FLNA: variants seen among roughly 807,000 people sequenced by gnomAD.
FLNA encodes the protein filamin A, also known as filamin-A.
In FLNA, 7 loss-of-function variants were observed where a neutral mutation model predicts 157.6. That is an observed-to-expected ratio of 0.04 (90% CI 0.03 to 0.08). FLNA has a LOEUF of 0.08. Ranked by LOEUF, FLNA falls within the 10% of genes least tolerant of loss-of-function variation. The probability of loss-of-function intolerance (pLI) is 1.00; values close to 1 mark genes in which losing one functional copy is unlikely to be tolerated. For missense variants in FLNA, 1,750 were observed against 2,398.4 expected (o/e 0.73, Z 5.65); for synonymous variants, 1,103 against 1,060.8 (o/e 1.04, Z -0.77).
chrX:154,358,708 AC>A (rs1440610213), intron 26 of FLNA, 140 bp from the exon 27 acceptor site: 10 of 820,452 alleles, frequency 1.2e-5, no homozygotes, highest in Non-Finnish European at 1.8e-5. Flanking sequence ...AATGGCCTTG[AC>A]CCCCTCTGGC....
chrX:154,352,071 C>T (rs1182406707), intron 41 of FLNA, 50 bp from the exon 42 acceptor site: 4 of 1,209,471 alleles, frequency 3.3e-6, no homozygotes, highest in Non-Finnish European at 4.5e-6. Context: ...CCAGCCTCGG[C>T]CCCCTCCAGG....
chrX:154,362,024 G>C lies in FLNA; in HGVS notation c.2781C>G (p.Asp927Glu). Reference sequence around the variant, plus strand: ...TGACTGTGTAGGTGTTGTCATGGTGGTCGATGATGTCCACATCTCGCACTG... The same window carrying C: ...TGACTGTGTAGGTGTTGTCATGGTGCTCGATGATGTCCACATCTCGCACTG... ...GDAVRDVDIIDHHDNTYTVKY... is the reference protein window; with the variant it reads ...GDAVRDVDIIEHHDNTYTVKY... The change falls in exon 19 of 48, where the codon GAC becomes GAG. Residue 927 changes from aspartate to glutamate, a missense_variant. Physicochemically the swap from Asp to Glu is conservative, Grantham distance 45. This residue lies in a region of FLNA where 648 missense variants were observed against 805.8 expected (regional missense o/e 0.80). Transcript: ENST00000369850. 1 of 1,210,987 alleles carries C rather than the reference G, an allele frequency of 8.3e-7. No individual in the cohort carries two copies. Among genetic ancestry groups the C allele is most frequent in the Non-Finnish European group, 1.1e-6 (1 of 895,009 alleles).
At chrX:154,350,231 TGGGCCTG>T in intron 44 of FLNA, 24 bp from the exon 45 acceptor site, 1 of 1,201,842 alleles carries the variant, frequency 8.3e-7, no homozygotes, top group Non-Finnish European at 1.1e-6. Flanking sequence ...AGTCATGCTG[TGGGCCTG>T]GGGCCCCTCC....
chrX:154,362,844 C>T (rs1365766295), intron 15 of FLNA, 60 bp from the exon 16 acceptor site: 17 of 1,131,159 alleles, frequency 1.5e-5, no homozygotes, highest in Non-Finnish European at 1.9e-5. Flanking sequence ...TCAGAAGCTC[C>T]CTCAGCTACA....
rs1331375037 is a variant in FLNA at position 154,362,023 on chromosome X, G to A, written c.2782C>T (p.His928Tyr). ...DAVRDVDIIDHHDNTYTVKYT... is the reference protein window; with the variant it reads ...DAVRDVDIIDYHDNTYTVKYT... ...TTGACTGTGTAGGTGTTGTCATGGTGGTCGATGATGTCCACATCTCGCACT... is the reference window on the plus strand; with the variant it reads ...TTGACTGTGTAGGTGTTGTCATGGTAGTCGATGATGTCCACATCTCGCACT... Residue 928 changes from histidine (H) to tyrosine (Y), a missense_variant, in exon 19 of 48, where the codon CAC becomes TAC. His to Tyr is a moderately conservative substitution (Grantham distance 83). Coordinates refer to ENST00000369850, the MANE Select transcript of FLNA (RefSeq NM_001110556.2). The A allele has an allele frequency of 1.7e-6, 2 of 1,208,268 alleles. No individual in the cohort carries two copies. Among genetic ancestry groups the A allele is most frequent in the Admixed American group, 2.2e-5 (1 of 45,766 alleles).
At chrX:154,363,360 G>A (rs12353704) in intron 15 of FLNA, among the ~76,000 whole-genome samples, 2 of 109,832 alleles carry the variant, frequency 1.8e-5, no homozygotes, top group East Asian at 2.8e-4. Context: ...AGAGGTTGCA[G>A]TGAGCTGAGA....
Position 154,351,621 on chromosome X carries a change from G to T in FLNA, c.6983C>A (p.Pro2328Gln). ...DSPFVVPVASPSGDARRLTVS... is the reference protein window; with the variant it reads ...DSPFVVPVASQSGDARRLTVS... Reference sequence around the variant, plus strand: ...AGTGAGGCGGCGGGCGTCGCCAGACGGAGAAGCCACAGGCACCACGAAGGG... The same window carrying T: ...AGTGAGGCGGCGGGCGTCGCCAGACTGAGAAGCCACAGGCACCACGAAGGG... Residue 2328 changes from proline to glutamine, a missense_variant, in exon 43 of 48, where the codon CCG (proline) becomes CAG (glutamine). Pro to Gln is a moderately conservative substitution (Grantham distance 76, BLOSUM62 -1). Transcript: ENST00000369850. The T allele has an allele frequency of 8.3e-7, 1 of 1,209,555 alleles. No homozygotes were observed. Among genetic ancestry groups the T allele is most frequent in the Non-Finnish European group, 1.1e-6 (1 of 893,724 alleles).
At chrX:154,374,222 G>A (rs1178355384) in intron 1 of FLNA, among the ~76,000 whole-genome samples, 1 of 112,535 alleles carries the variant, frequency 8.9e-6, no homozygotes. Flanking sequence ...CAAGTGCCCA[G>A]ACACCCTCTC....
intron 2 of FLNA, among the ~76,000 whole-genome samples, 166 bp downstream of exon 2, chrX:154,370,707 C>T (rs1273023245): frequency 2.7e-5 from 3 of 112,968 alleles, no homozygotes; most frequent in Non-Finnish European, 1.9e-5. Context: ...AGCCAGCCAG[C>T]CCGCGCGCCT....
At position 154,371,084 on chromosome X, in the gene FLNA, G is replaced by A. The variant is rs782478978; in HGVS notation, c.162C>T (p.Asn54=). 2.5e-6 allele frequency: 3 copies of A among 1,203,104 alleles called. No homozygotes were observed. The highest frequency in any genetic ancestry group is 3.5e-5 in the African/African-American group (2 of 57,452). Residue 54 remains asparagine, a synonymous_variant, in exon 2 of 48, where the codon AAC becomes AAT. Transcript: ENST00000369850. ...GCTTGCTCACGCACTTCAGGTGCTC[G>A]TTGCACCAGCGCGTGAAAGTGTTCT... ...IQQNTFTRWC[N]EHLKCVSKRI... is the part of the protein sequence containing the mutation.
chrX:154,350,146 G>A lies in FLNA; in HGVS notation c.7218C>T (p.Phe2406=). 2 of 1,211,397 alleles carry A rather than the reference G, an allele frequency of 1.7e-6. No individual in the cohort carries two copies. Among genetic ancestry groups the A allele is most frequent in the Non-Finnish European group, 1.1e-6 (1 of 894,886 alleles). ...ENGVYLIDVK[F]NGTHIPGSPF... is the part of the protein sequence containing the mutation. Reference sequence around the variant, plus strand: ...GGCTTCCAGGGATGTGGGTGCCGTTGAACTTGACGTCAATCAGGTAAACGC... The same window carrying A: ...GGCTTCCAGGGATGTGGGTGCCGTTAAACTTGACGTCAATCAGGTAAACGC... Residue 2406 remains phenylalanine, a synonymous_variant, in exon 45 of 48, where the codon TTC becomes TTT. Coordinates refer to ENST00000369850, the MANE Select transcript of FLNA (RefSeq NM_001110556.2).
chrX:154,365,569 ATTGGTGGGTCCCTCAGAGC>A (rs1360722508), intron 9 of FLNA, 83 bp from the exon 10 acceptor site: 1 of 1,086,218 alleles, frequency 9.2e-7, no homozygotes, highest in African/African-American at 1.8e-5. Flanking sequence ...GGCTGTCAGG[ATTGGTGGGTCCCTCAGAGC>A]TTGGCTGGAG....
chrX:154,350,356 C>A, intron 44 of FLNA, 149 bp from the exon 45 acceptor site: 1 of 511,771 alleles, frequency 2.0e-6, no homozygotes, highest in Non-Finnish European at 3.3e-6. Flanking sequence ...CACCCCGCAG[C>A]AGACCTCCTG....
At chrX:154,368,480 G>C (rs2067780145) in intron 2 of FLNA, among the ~76,000 whole-genome samples, 1 of 112,524 alleles carries the variant, frequency 8.9e-6, no homozygotes, top group African/African-American at 3.2e-5. Context: ...GGCCTATGGG[G>C]AACCAGGAGG....
rs1244259022 is a variant in FLNA at position 154,360,550 on chromosome X, G to A, written c.3245C>T (p.Ala1082Val). The A allele has an allele frequency of 9.1e-6, 11 of 1,209,137 alleles. No homozygotes were observed. The South Asian group carries it at 1.4e-4, about 15-fold the overall frequency. ...AFGPGLQGGS[A>V]GSPARFTIDT... ...GATGGTGAAGCGGGCGGGGGAGCCC[G>A]CACTGCCTCCCTGCAGCCCCGGCCC... The change falls in exon 22 of 48, where the codon GCG becomes GTG. Residue 1082 changes from alanine to valine, a missense_variant. Physicochemically the swap from Ala to Val is moderately conservative, Grantham distance 64 (BLOSUM62 0). Transcript: ENST00000369850.
rs370899661 is a variant in FLNA at position 154,357,422 on chromosome X, G to A, written c.4945+12C>T. On this transcript the variant is annotated intron_variant, in intron 29 of 47. Transcript: ENST00000369850. Reference sequence around the variant, plus strand: ...GCCGAGCGCCGCAGCGGCCAACAGCGGGCGGGCTCACCTGTGACAGTGCAC... The same window carrying A: ...GCCGAGCGCCGCAGCGGCCAACAGCAGGCGGGCTCACCTGTGACAGTGCAC... The A allele has an allele frequency of 1.4e-4, 167 of 1,203,717 alleles. No homozygotes were observed. The highest frequency in any genetic ancestry group is 1.5e-4 in the Non-Finnish European group (133 of 889,978).
At chrX:154,371,396 A>T in intron 1 of FLNA, 35 bp from the exon 2 acceptor site, 50 of 499,189 alleles carry the variant, frequency 1.0e-4, no homozygotes, top group African/African-American at 1.1e-4. Flanking sequence ...ATGCGGGAGG[A>T]GGGCGGGGCC....
In FLNA at chrX:154,364,648, G is replaced by C. The variant is rs111516546; in HGVS notation, c.1900C>G (p.Arg634Gly). Residue 634 changes from arginine to glycine, a missense_variant, in exon 13 of 48, where the codon CGC becomes GGC. By Grantham distance (125) the Arg-to-Gly change is moderately radical (BLOSUM62 -2). This residue lies in a region of FLNA where 648 missense variants were observed against 805.8 expected (regional missense o/e 0.80). Coordinates refer to ENST00000369850, the MANE Select transcript of FLNA (RefSeq NM_001110556.2). ...DDKGDGSCDV[R>G]YWPQEAGEYA... ...TCGCCAGCCTCCTGCGGCCAGTAGC[G>C]CACATCACAGGAGCCGTCGCCCTTG... 3.8e-5 allele frequency: 46 copies of C among 1,208,765 alleles called. No homozygotes were observed. Among genetic ancestry groups the C allele is most frequent in the Non-Finnish European group, 7.8e-6 (7 of 894,856 alleles).
In FLNA at chrX:154,366,236, C is replaced by T. The variant is rs2067759257; in HGVS notation, c.1229-12G>A. The T allele has an allele frequency of 3.3e-6, 4 of 1,209,600 alleles. No individual in the cohort carries two copies. The highest frequency in any genetic ancestry group is 1.1e-6 in the Non-Finnish European group (1 of 895,024). On this transcript the variant is annotated splice_polypyrimidine_tract_variant and intron_variant, in intron 8 of 47. Transcript: ENST00000369850. ...GCCCGTGCCAGCTCCTGCCACGAGG[C>T]ACCTGCTCAGCTCCCAGGCCCCAGT...
Sources: gnomAD v4.1 joint callset for allele counts (sites outside exome capture counted in the v4.1 genomes callset) on GRCh38, gnomAD v4.1.1 for gene constraint, gnomAD v4.1.1 regional missense constraint, MANE v1.5 for transcripts, NCBI Gene and HGNC (gene_info 2026-07-23, HGNC 2026-07-21) for gene names.